The following BNC1 variants were observed in gnomAD, a reference collection of about 807,000 sequenced individuals.
BNC1 encodes the protein basonuclin zinc finger protein 1.
Under a neutral mutation model 66.5 loss-of-function variants are expected in BNC1, and 8 were observed. That is an observed-to-expected ratio of 0.12 (90% CI 0.07 to 0.22). The LOEUF is 0.22. Among genes scored for constraint, BNC1 ranks in the 10% least tolerant of loss-of-function variants. The pLI, the probability that BNC1 is intolerant of heterozygous loss-of-function variation, is 1.00. For synonymous variants in BNC1, 454 were observed against 452.6 expected, an observed-to-expected ratio of 1.00 and a Z score of -0.04; for missense variants, 1,069 against 1,241.3, an observed-to-expected ratio of 0.86 and a Z score of 2.09.
In BNC1 at chr15:83,263,067, G is replaced by A. The variant is rs746176710; in HGVS notation, c.2184C>T (p.Thr728=). 2.5e-6 allele frequency: 4 copies of A among 1,614,162 alleles called. No individual in the cohort carries two copies. The highest frequency in any genetic ancestry group is 3.4e-6 in the Non-Finnish European group (4 of 1,180,032). ...NRFQCDICKK[T]FKNACSVKIH... ...TTTTCACACTACAAGCATTTTTAAA[G>A]GTCTTCTTGCAGATGTCACACTGGA... Residue 728 remains threonine, a synonymous_variant, in exon 4 of 5, where the codon ACC becomes ACT. Coordinates refer to ENST00000345382, the MANE Select transcript of BNC1 (RefSeq NM_001717.4).
chr15:83,257,225 C>A lies in BNC1; in HGVS notation c.*217G>T. 1 of 596,306 alleles carries A rather than the reference C, an allele frequency of 1.7e-6. No homozygotes were observed. Among genetic ancestry groups the A allele is most frequent in the East Asian group, 2.9e-5 (1 of 34,828 alleles). The allele number at this position is 596,306 out of a possible 1,614,324, so 36.9% of individuals were successfully genotyped here. A position where few individuals can be genotyped will look rare whatever the true frequency, so the allele number is the denominator to read the frequency against. ...AAGTTTTCCTTGTATCAGTGAAAGA[C>A]CTCTTGGGCTAAGAAAAATAATAGG... On this transcript the variant is annotated 3_prime_UTR_variant, in exon 5 of 5. Transcript: ENST00000345382.
chr15:83,267,170 T>G (rs1595938173), intron 2 of BNC1, 99 bp from the exon 3 acceptor site: 1 of 865,816 alleles, frequency 1.2e-6, no homozygotes, highest in Non-Finnish European at 1.8e-6. Context: ...TGGTTATTTA[T>G]TCCACAGAAA....
intron 4 of BNC1, among the ~76,000 whole-genome samples, chr15:83,261,490 T>G (rs974571968): frequency 2.0e-5 from 3 of 152,220 alleles, no homozygotes; most frequent in African/African-American, 7.2e-5. Flanking sequence ...TAATATTCAG[T>G]GTACCATTTA....
chr15:83,264,147 G>A lies in BNC1; in HGVS notation c.1104C>T (p.Asp368=), dbSNP rs200109505. Residue 368 remains aspartate, a synonymous_variant, in exon 4 of 5, where the codon GAC becomes GAT. Coordinates refer to ENST00000345382, the MANE Select transcript of BNC1 (RefSeq NM_001717.4). ...FCTACEKTFY[D]KGTLKIHYNA... is the part of the protein sequence containing the mutation. Reference sequence around the variant, plus strand: ...TGTAGTGGATTTTGAGGGTGCCTTTGTCATAGAAGGTCTTCTCACATGCAG... The same window carrying A: ...TGTAGTGGATTTTGAGGGTGCCTTTATCATAGAAGGTCTTCTCACATGCAG... 4.4e-5 allele frequency: 71 copies of A among 1,614,136 alleles called. No individual in the cohort carries two copies. In the African/African-American group the frequency reaches 8.7e-4, roughly 20 times the overall value.
chr15:83,283,421 C>T, intron 1 of BNC1: 1 of 1,255,324 alleles, frequency 8.0e-7, no homozygotes, highest in Non-Finnish European at 1.0e-6. Flanking sequence ...GGCCCCCAGC[C>T]TCGCCGCCGC....
At chr15:83,276,534 A>T (rs999098825) in intron 1 of BNC1, among the ~76,000 whole-genome samples, 1 of 152,210 alleles carries the variant, frequency 6.6e-6, no homozygotes, top group African/African-American at 2.4e-5. Context: ...AAATAAATTT[A>T]ATTTCCAAGT....
chr15:83,258,638 ACCAGGAGATC>A (rs1406381801), intron 4 of BNC1, among the ~76,000 whole-genome samples: 1 of 152,186 alleles, frequency 6.6e-6, no homozygotes, highest in Non-Finnish European at 1.5e-5. Context: ...GGACACTGGA[ACCAGGAGATC>A]CCAGGAGAAA....
At position 83,269,318 on chromosome 15, in the gene BNC1, T is replaced by C. The variant is rs977435432; in HGVS notation, c.100-1086A>G. 8.0e-4 allele frequency among the ~76,000 whole-genome samples: 122 copies of C among 152,206 alleles called. 8 individuals are homozygous for C. The highest frequency in any genetic ancestry group is 5.9e-5 in the Non-Finnish European group (4 of 68,038). ...GGAGATACAGTACTGAAGAATATAA[T>C]CTATTATTAAACAGAAAAAGCCCTC... On this transcript the variant is annotated intron_variant, in intron 1 of 4. Transcript: ENST00000345382.
Position 83,263,779 on chromosome 15 carries a change from A to C in BNC1, c.1472T>G (p.Phe491Cys). ...GGCAGGCGTGGCTGGACTGCGGTAG[A>C]AAGGAAGGACTGGCTGGACTGTCTT... ...NLKTVQPVLP[F>C]YRSPATPAEV... Residue 491 changes from phenylalanine (F) to cysteine (C), a missense_variant, in exon 4 of 5, where the codon TTC becomes TGC. This residue lies in a region of BNC1 where 657 missense variants were observed against 715.8 expected (regional missense o/e 0.92). Coordinates refer to ENST00000345382, the MANE Select transcript of BNC1 (RefSeq NM_001717.4). 1 of 1,614,166 alleles carries C rather than the reference A, an allele frequency of 6.2e-7. No individual in the cohort carries two copies. The highest frequency in any genetic ancestry group is 1.1e-5 in the South Asian group (1 of 91,076).
chr15:83,282,521 T>C (rs2038389543), intron 1 of BNC1, among the ~76,000 whole-genome samples: 1 of 152,256 alleles, frequency 6.6e-6, no homozygotes, highest in African/African-American at 2.4e-5. Context: ...TACAAAATTT[T>C]ATTTTGACAA....
At chr15:83,266,717 A>G (rs2038221564) in intron 3 of BNC1, 119 bp downstream of exon 3, 9 of 892,376 alleles carry the variant, frequency 1.0e-5, no homozygotes, top group East Asian at 2.4e-5. Context: ...GAAAAGAAGT[A>G]TTAAAGGGAA....
At chr15:83,262,905 G>C in intron 4 of BNC1, 46 bp downstream of exon 4, 1 of 1,522,846 alleles carries the variant, frequency 6.6e-7, no homozygotes. Context: ...TGTTAAACTT[G>C]AAGAGCCACT....
In BNC1 at chr15:83,263,208, C is replaced by A; in HGVS notation, c.2043G>T (p.Gly681=). Residue 681 remains glycine (G), a synonymous_variant, in exon 4 of 5, where the codon GGG becomes GGT. Coordinates refer to ENST00000345382, the MANE Select transcript of BNC1 (RefSeq NM_001717.4). ...TGTTGGACAAAGCACTGAAGAGTCC[C>A]CCAGCCAGCAGGCGCTGCTGCAGTT... ...YMELQQRLLA[G]GLFSALSNRG... 6.2e-7 allele frequency: 1 copy of A among 1,614,168 alleles called. No homozygotes were observed. Among genetic ancestry groups the A allele is most frequent in the Non-Finnish European group, 8.5e-7 (1 of 1,180,034 alleles).
chr15:83,258,259 C>G, intron 4 of BNC1, 133 bp from the exon 5 acceptor site: 1 of 904,030 alleles, frequency 1.1e-6, no homozygotes, highest in East Asian at 2.6e-5. Flanking sequence ...GGGTAGGCCC[C>G]CATGGGATGT....
At chr15:83,282,510 G>A (rs1036807172) in intron 1 of BNC1, among the ~76,000 whole-genome samples, 1 of 152,120 alleles carries the variant, frequency 6.6e-6, no homozygotes, top group Non-Finnish European at 1.5e-5. Context: ...TTTATATGAT[G>A]TACAAAATTT....
rs946895416 is a variant in BNC1 at position 83,283,034 on chromosome 15, G to A, written c.99+1496C>T. On this transcript the variant is annotated intron_variant, in intron 1 of 4. Transcript: ENST00000345382. ...TGAGGCGAGCACAGCCATAAAACCA[G>A]GGGACGTTACCGAACCCCCGAGCGT... 6.6e-6 allele frequency: 9 copies of A among 1,365,662 alleles called. No homozygotes were observed. In the Admixed American group the frequency reaches 1.8e-4, roughly 27 times the overall value. 84.6% of individuals were successfully genotyped at this position (1,365,662 alleles called of 1,614,324 possible).
chr15:83,268,154 T>C lies in BNC1; in HGVS notation c.178A>G (p.Lys60Glu). ...KINHRQCDQC[K>E]HGWVAHALSK... ...TTACCGTGGGCCACCCATCCATGCT[T>C]GCATTGGTCACACTGACGGTGGTTT... The change falls in exon 2 of 5, where the codon AAG (lysine) becomes GAG (glutamate). Residue 60 changes from lysine to glutamate, a missense_variant. Lys to Glu is a moderately conservative substitution (Grantham distance 56, BLOSUM62 1). This residue lies in a region of BNC1 where 78 missense variants were observed against 80.9 expected (regional missense o/e 0.96). Transcript: ENST00000345382. 6.2e-7 allele frequency: 1 copy of C among 1,614,178 alleles called. No individual in the cohort carries two copies. The highest frequency in any genetic ancestry group is 8.5e-7 in the Non-Finnish European group (1 of 1,180,018).
At chr15:83,277,419 C>T (rs980999478) in intron 1 of BNC1, among the ~76,000 whole-genome samples, 1 of 152,112 alleles carries the variant, frequency 6.6e-6, no homozygotes, top group Non-Finnish European at 1.5e-5. Context: ...AAGTGATTCT[C>T]CTGCCTCAGC....
intron 1 of BNC1, among the ~76,000 whole-genome samples, chr15:83,274,317 G>A (rs753192231): frequency 2.0e-5 from 3 of 152,150 alleles, no homozygotes; most frequent in African/African-American, 4.8e-5. Context: ...CCTGGGAGGC[G>A]GAGCTTGCAG....
Sources: allele counts gnomAD v4.1 joint callset (sites outside exome capture counted in the v4.1 genomes callset), GRCh38; gene constraint gnomAD v4.1.1; regional missense constraint gnomAD v4.1.1; transcripts MANE v1.5; gene names NCBI Gene and HGNC (gene_info 2026-07-23, HGNC 2026-07-21).